Variants in LSS observed in about 807,000 individuals in gnomAD.
LSS encodes 2,3-epoxysqualene-lanosterol cyclase.
A neutral mutation model predicts 110.3 loss-of-function variants in LSS; 90 were observed. That is an observed-to-expected ratio of 0.82 (90% CI 0.69 to 0.97). LSS has a LOEUF of 0.97. Ranked by LOEUF, LSS falls within the 50% of genes least tolerant of loss-of-function variation. The pLI is 0.00. For synonymous variants in LSS, 433 were observed against 400.0 expected (o/e 1.08, Z -0.98); for missense variants, 927 against 990.0 (o/e 0.94, Z 0.85).
intron 17 of LSS, among the ~76,000 whole-genome samples, chr21:46,205,256 C>T (rs2080030069): frequency 6.6e-6 from 1 of 151,916 alleles, no homozygotes; most frequent in Non-Finnish European, 1.5e-5. Context: ...AGGGAGAGAA[C>T]GCTGCTGTTA....
chr21:46,191,089 C>A lies in LSS; in HGVS notation c.*15G>T, dbSNP rs373222631. 3.7e-6 allele frequency: 6 copies of A among 1,613,762 alleles called. No homozygotes were observed. The highest frequency in any genetic ancestry group is 1.3e-5 in the African/African-American group (1 of 74,908). ...ACTGGAACGCACAGACGGCACCCAG[C>A]AGGTAGGCATGTTCTCAGGGGTGGC... is the stretch of plus-strand genomic sequence containing the variant. On this transcript the variant is annotated 3_prime_UTR_variant, in exon 22 of 22. Transcript: ENST00000397728.
At chr21:46,195,379 G>A (rs1239537697) in intron 19 of LSS, among the ~76,000 whole-genome samples, 1 of 152,172 alleles carries the variant, frequency 6.6e-6, no homozygotes, top group African/African-American at 2.4e-5. Context: ...CCAAACCAGT[G>A]TGAGCAACAC....
chr21:46,219,570 C>T lies in LSS; in HGVS notation c.553G>A (p.Gly185Ser). 1 of 1,589,596 alleles carries T rather than the reference C, an allele frequency of 6.3e-7. No individual in the cohort carries two copies. The highest frequency in any genetic ancestry group is 8.6e-7 in the Non-Finnish European group (1 of 1,167,626). The change falls in exon 6 of 22, where the codon GGT becomes AGT. Residue 185 changes from glycine (G) to serine (S), a missense_variant and splice_region_variant. By Grantham distance (56) the Gly-to-Ser change is moderately conservative. Transcript: ENST00000397728. ...CCCCAGGAGGGGATGGCCACAGCAC[C>T]ACCTGAGCGGGGAGAGAATAGGCCC... ...RARNILHKKGGAVAIPSWGKF... is the reference protein window; with the variant it reads ...RARNILHKKGSAVAIPSWGKF...
chr21:46,215,142 C>T (rs749126323), intron 9 of LSS, 38 bp downstream of exon 9: 2 of 1,569,602 alleles, frequency 1.3e-6, no homozygotes, highest in South Asian at 2.2e-5. Context: ...ACCTCAACCC[C>T]CAGGGGCTGC....
chr21:46,207,353 C>G, intron 15 of LSS, 75 bp downstream of exon 15: 1 of 1,552,806 alleles, frequency 6.4e-7, no homozygotes, highest in Non-Finnish European at 8.7e-7. Context: ...CTGGAGCCCA[C>G]AGGAGTGGAA....
chr21:46,192,211 C>G (rs1001913472), intron 20 of LSS: 2 of 579,498 alleles, frequency 3.5e-6, no homozygotes, highest in African/African-American at 1.9e-5. Flanking sequence ...CAGGCCTGCC[C>G]TGGTGTTCCC....
rs1329735343 is a variant in LSS at position 46,213,052 on chromosome 21, C to A, written c.1110G>T (p.Trp370Cys). ...EHVSRIPDYL[W>C]MGLDGMKMQG... ...GCATTTTCATGCCGTCAAGGCCCAT[C>A]CTGTGAGGAGAAAAAAGCCCAAGTC... The change falls in exon 11 of 22, where the codon TGG becomes TGT. Residue 370 changes from tryptophan to cysteine, a missense_variant and splice_region_variant. Coordinates refer to ENST00000397728, the MANE Select transcript of LSS (RefSeq NM_002340.6). 3 of 1,613,638 alleles carry A rather than the reference C, an allele frequency of 1.9e-6. No homozygotes were observed. The African/African-American group carries it at 4.0e-5, about 22-fold the overall frequency.
At chr21:46,199,404 C>T (rs796094720) in intron 17 of LSS, among the ~76,000 whole-genome samples, 38 of 152,356 alleles carry the variant, frequency 2.5e-4, no homozygotes, top group African/African-American at 8.9e-4. Context: ...AAACGCTCAT[C>T]ATTGCTGGTG....
In LSS at chr21:46,221,888, G is replaced by A; in HGVS notation, c.516C>T (p.Asp172=). The A allele has an allele frequency of 1.2e-6, 2 of 1,614,138 alleles. No homozygotes were observed. Among genetic ancestry groups the A allele is most frequent in the Non-Finnish European group, 1.7e-6 (2 of 1,180,010 alleles). ...RILGVGPDDP[D]LVRARNILHK... ...GAAGAATGTTCCGGGCTCGTACCAG[G>A]TCAGGATCGTCAGGCCCAACACCCA... The change falls in exon 5 of 22, where the codon GAC becomes GAT. Residue 172 remains aspartate (D), a synonymous_variant. Transcript: ENST00000397728.
chr21:46,196,371 T>A, intron 17 of LSS, 104 bp from the exon 18 acceptor site: 1 of 916,388 alleles, frequency 1.1e-6, no homozygotes, highest in Non-Finnish European at 1.8e-6. Context: ...TGGTCTCCCT[T>A]AAAAACCACA....
At chr21:46,221,087 G>A (rs996898376) in intron 5 of LSS, among the ~76,000 whole-genome samples, 4 of 147,468 alleles carry the variant, frequency 2.7e-5, no homozygotes, top group African/African-American at 1.0e-4. Context: ...GGGGCTTGGA[G>A]AGGTAAGACA....
intron 4 of LSS, chr21:46,222,196 G>A (rs1177393420): frequency 8.9e-6 from 5 of 562,628 alleles, no homozygotes; most frequent in Non-Finnish European, 1.6e-5. Flanking sequence ...ACCGTGACCC[G>A]CCTGCTCTAC....
intron 15 of LSS, among the ~76,000 whole-genome samples, 176 bp from the exon 16 acceptor site, chr21:46,206,944 T>C (rs1004158765): frequency 1.1e-4 from 17 of 152,116 alleles, no homozygotes; most frequent in African/African-American, 3.9e-4. Flanking sequence ...AAGCAGCAGC[T>C]GCAACCTCAT....
At chr21:46,204,397 T>C (rs80347558) in intron 17 of LSS, among the ~76,000 whole-genome samples, 1 of 151,756 alleles carries the variant, frequency 6.6e-6, no homozygotes, top group South Asian at 2.1e-4. Context: ...TTTTTTTTTT[T>C]CAAAAGATCA....
Position 46,195,076 on chromosome 21 carries a change from C to T in LSS, c.1818-415G>A, listed in dbSNP as rs1054189724. ...GGAGAGAGTCCGGCGGCTGGAGACA[C>T]GGCTGGGACCGGAGATCTCCTGCCT... On this transcript the variant is annotated intron_variant, in intron 19 of 21. Transcript: ENST00000397728. 4.6e-5 allele frequency among the ~76,000 whole-genome samples: 7 copies of T among 152,270 alleles called. No individual in the cohort carries two copies. In the South Asian group the frequency reaches 1.0e-3, roughly 23 times the overall value.
chr21:46,220,641 T>C (rs1601446623), intron 5 of LSS, among the ~76,000 whole-genome samples: 1 of 152,204 alleles, frequency 6.6e-6, no homozygotes, highest in Non-Finnish European at 1.5e-5. Context: ...GGCCAGGCTC[T>C]GCAGAGCCAC....
intron 17 of LSS, among the ~76,000 whole-genome samples, chr21:46,197,571 C>G (rs1293852396): frequency 2.0e-5 from 3 of 152,182 alleles, no homozygotes; most frequent in Non-Finnish European, 4.4e-5. Context: ...CTCATGAACA[C>G]AGATGCAAAA....
intron 1 of LSS, 64 bp from the exon 2 acceptor site, chr21:46,228,663 C>T: frequency 6.3e-7 from 1 of 1,598,796 alleles, no homozygotes; most frequent in Non-Finnish European, 8.5e-7. Context: ...GCCCACTGCC[C>T]CAGTCGCGCT....
At position 46,216,333 on chromosome 21, in the gene LSS, G is replaced by A; in HGVS notation, c.783+56C>T. ...GTGTGGTTAGATTCCAGAAGCCCCA[G>A]GCCCTGTGGGTCCCAGCCCCAGAGG... On this transcript the variant is annotated intron_variant, in intron 7 of 21. Coordinates refer to ENST00000397728, the MANE Select transcript of LSS (RefSeq NM_002340.6). This position sits in a 1 kb window ranked among gnomAD's most constrained non-coding sequence, Gnocchi z 4.2. The A allele has an allele frequency of 6.2e-7, 1 of 1,609,808 alleles. No individual in the cohort carries two copies. The highest frequency in any genetic ancestry group is 1.1e-5 in the South Asian group (1 of 90,974).
Sources: gnomAD v4.1 joint callset for allele counts (sites outside exome capture counted in the v4.1 genomes callset) on GRCh38, gnomAD v4.1.1 for gene constraint, Gnocchi (gnomAD v3.1) non-coding constraint, MANE v1.5 for transcripts, NCBI Gene and HGNC (gene_info 2026-07-23, HGNC 2026-07-21) for gene names.